RBFA: variants seen among roughly 807,000 people sequenced by gnomAD.
RBFA encodes putative ribosome-binding factor A, mitochondrial.
A neutral mutation model predicts 27.9 loss-of-function variants in RBFA; 16 were observed. The observed-to-expected ratio is 0.57, with a 90% CI of 0.39 to 0.87. The LOEUF (loss-of-function observed/expected upper bound fraction) is 0.87, where lower values mean the gene tolerates loss of function less well. Ranked by LOEUF, RBFA falls within the 40% of genes least tolerant of loss-of-function variation. The probability of loss-of-function intolerance (pLI) is 0.00; values close to 1 mark genes in which losing one functional copy is unlikely to be tolerated. For missense variants in RBFA, 456 were observed against 432.1 expected (o/e 1.06, Z -0.49); for synonymous variants, 181 against 181.0 (o/e 1.00, Z 0.00).
chr18:80,042,351 A>C (rs538138830), intron 5 of RBFA, 132 bp downstream of exon 5: 87 of 462,346 alleles, frequency 1.9e-4, no homozygotes, highest in Non-Finnish European at 2.9e-4. Flanking sequence ...CAGCCTCCCA[A>C]AGTGCTGGGA....
chr18:80,042,710 G>T (rs1251416772), intron 5 of RBFA, among the ~76,000 whole-genome samples: 4 of 152,028 alleles, frequency 2.6e-5, no homozygotes, highest in Non-Finnish European at 4.4e-5. Context: ...GGCGGAGGTT[G>T]CAGTGAGCCG....
intron 2 of RBFA, chr18:80,037,099 T>G: frequency 2.0e-6 from 1 of 497,568 alleles, no homozygotes; most frequent in Non-Finnish European, 3.6e-6. Context: ...ACAAAAACTT[T>G]TTTTGAGAAA....
rs192528502 is a variant in RBFA, at chr18:80,047,938, C to T, written c.*1783C>T. Among the ~76,000 whole-genome samples, 424 of 152,324 alleles carry T rather than the reference C, an allele frequency of 2.8e-3. 2 individuals are homozygous for T. Among genetic ancestry groups the T allele is most frequent in the Admixed American group, 6.5e-3 (100 of 15,306 alleles). Reference sequence around the variant, plus strand: ...TACAACAACCAGTTTGCCTCTTATTCTTCTAGGGGACCATCATGGGCTGAG... The same window carrying T: ...TACAACAACCAGTTTGCCTCTTATTTTTCTAGGGGACCATCATGGGCTGAG... On this transcript the variant is annotated 3_prime_UTR_variant, in exon 7 of 7. Coordinates refer to ENST00000306735, the MANE Select transcript of RBFA (RefSeq NM_024805.3).
chr18:80,037,137 G>A, intron 2 of RBFA, 193 bp from the exon 3 acceptor site: 3 of 500,432 alleles, frequency 6.0e-6, no homozygotes, highest in Non-Finnish European at 1.1e-5. Flanking sequence ...TTTTAATCTT[G>A]GAGGGTTACC....
At chr18:80,038,774 AT>A (rs1385063089) in intron 4 of RBFA, among the ~76,000 whole-genome samples, 157 bp downstream of exon 4, 1 of 152,200 alleles carries the variant, frequency 6.6e-6, no homozygotes, top group Non-Finnish European at 1.5e-5. Context: ...TATAATTTGC[AT>A]TTTTGTATAA....
At chr18:80,040,742 C>T (rs969000617) in intron 4 of RBFA, among the ~76,000 whole-genome samples, 62 of 151,956 alleles carry the variant, frequency 4.1e-4, no homozygotes, top group African/African-American at 1.4e-3. Flanking sequence ...GGTTTTTAAG[C>T]GACTTTAAAA....
intron 6 of RBFA, 32 bp downstream of exon 6, chr18:80,044,317 T>G (rs1287566354): frequency 6.4e-7 from 1 of 1,562,482 alleles, no homozygotes; most frequent in Middle Eastern, 1.7e-4. Context: ...TTTGATTCCC[T>G]GGGGTACATT....
In RBFA at chr18:80,046,613, C is replaced by T. The variant is rs148151854; in HGVS notation, c.*458C>T. ...GGGCTGCTGGGCTGGCACGTGGCGC[C>T]GGGGGCTCCATCCCTGGGGCTGCTG... On this transcript the variant is annotated 3_prime_UTR_variant, in exon 7 of 7. Coordinates refer to ENST00000306735, the MANE Select transcript of RBFA (RefSeq NM_024805.3). Among the ~76,000 whole-genome samples, 139 of 151,964 alleles carry T rather than the reference C, an allele frequency of 9.1e-4. 5 individuals are homozygous for T. The East Asian group carries it at 0.019, about 21-fold the overall frequency.
Position 80,037,391 on chromosome 18 carries a change from A to C in RBFA, c.263A>C (p.Glu88Ala). ...AGCACCTCAAAGAAAACCAGGAAGG[A>C]AGACCATGCGCGCCTGAGGGCCCTG... ...MRSTSKKTRK[E>A]DHARLRALNG... is the part of the protein sequence containing the mutation. The change falls in exon 3 of 7, where the codon GAA becomes GCA. Residue 88 changes from glutamate to alanine, a missense_variant. Transcript: ENST00000306735. The C allele has an allele frequency of 6.2e-7, 1 of 1,614,126 alleles. No individual in the cohort carries two copies. The highest frequency in any genetic ancestry group is 8.5e-7 in the Non-Finnish European group (1 of 1,180,022).
At position 80,047,548 on chromosome 18, in the gene RBFA, T is replaced by C. The variant is rs1454758994; in HGVS notation, c.*1393T>C. The C allele has an allele frequency of 6.6e-6, 1 of 152,256 alleles. No homozygotes were observed. The highest frequency in any genetic ancestry group is 1.5e-5 in the Non-Finnish European group (1 of 68,046). The allele number at this position is 152,256 out of a possible 1,614,324, so 9.4% of individuals were successfully genotyped here. A position where few individuals can be genotyped will look rare whatever the true frequency, so the allele number is the denominator to read the frequency against. On this transcript the variant is annotated 3_prime_UTR_variant, in exon 7 of 7. Coordinates refer to ENST00000306735, the MANE Select transcript of RBFA (RefSeq NM_024805.3). ...CAGAAGCAAGATTTTTCTTTTGAGA[T>C]CTAGGAAATTATTTGTTTATACTCT...
chr18:80,043,193 TTCAAAAA>T (rs2052028250), intron 5 of RBFA, among the ~76,000 whole-genome samples: 1 of 152,224 alleles, frequency 6.6e-6, no homozygotes. Context: ...ATGTTATACC[TTCAAAAA>T]GTCAGTCAAA....
intron 4 of RBFA, chr18:80,041,650 T>C (rs1159054382): frequency 6.6e-6 from 1 of 152,240 alleles, no homozygotes. Flanking sequence ...GATGTGGTAG[T>C]TGACTAAAGA....
At chr18:80,038,786 G>A (rs2051998619) in intron 4 of RBFA, among the ~76,000 whole-genome samples, 169 bp downstream of exon 4, 1 of 152,166 alleles carries the variant, frequency 6.6e-6, no homozygotes, top group Admixed American at 6.5e-5. Flanking sequence ...TTTTGTATAA[G>A]CTATAATGTA....
intron 4 of RBFA, among the ~76,000 whole-genome samples, chr18:80,040,030 C>T (rs893855985): frequency 1.3e-5 from 2 of 152,112 alleles, no homozygotes; most frequent in African/African-American, 4.8e-5. Context: ...ATGCCTCAGC[C>T]TCCTGAGTAG....
In RBFA at chr18:80,034,475, T is replaced by G; in HGVS notation, c.-21T>G. 1 of 1,507,794 alleles carries G rather than the reference T, an allele frequency of 6.6e-7. No individual in the cohort carries two copies. The allele number at this position is 1,507,794 out of a possible 1,614,324, so 93.4% of individuals were successfully genotyped here. ...CTGCGCCCGTTGTCTCCCTGCTCGC[T>G]CCGGGTCCCGGCGCCGCGCCATGTG... On this transcript the variant is annotated 5_prime_UTR_variant, in exon 1 of 7. Coordinates refer to ENST00000306735, the MANE Select transcript of RBFA (RefSeq NM_024805.3).
intron 5 of RBFA, among the ~76,000 whole-genome samples, chr18:80,042,648 G>T (rs185849862): frequency 1.3e-5 from 2 of 152,058 alleles, no homozygotes; most frequent in East Asian, 3.9e-4. Context: ...GCGTGCGCCC[G>T]TAGTCTCAGC....
intron 6 of RBFA, among the ~76,000 whole-genome samples, chr18:80,045,166 C>T (rs1171880407): frequency 3.3e-5 from 5 of 151,284 alleles, no homozygotes; most frequent in East Asian, 1.9e-4. Context: ...GCCTCACCTG[C>T]GATTCTGCCA....
intron 5 of RBFA, among the ~76,000 whole-genome samples, chr18:80,042,521 A>G (rs1204176975): frequency 6.6e-6 from 1 of 152,198 alleles, no homozygotes; most frequent in Non-Finnish European, 1.5e-5. Context: ...CTGTAATCCC[A>G]GCACTTTGGG....
Position 80,046,995 on chromosome 18 carries a change from G to C in RBFA, c.*840G>C, listed in dbSNP as rs1269021822. ...AGAGAAAACACAGATTCCATACCTT[G>C]TCAGCTCCTATTTAGTTCGGCTTCC... is the stretch of plus-strand genomic sequence containing the variant. On this transcript the variant is annotated 3_prime_UTR_variant, in exon 7 of 7. Transcript: ENST00000306735. The C allele has an allele frequency of 6.6e-6, 1 of 152,298 alleles. No homozygotes were observed. The highest frequency in any genetic ancestry group is 2.4e-5 in the African/African-American group (1 of 41,442). The allele number at this position is 152,298 out of a possible 1,614,324, so 9.4% of individuals were successfully genotyped here. A position where few individuals can be genotyped will look rare whatever the true frequency, so the allele number is the denominator to read the frequency against.
Sources: allele counts gnomAD v4.1 joint callset (sites outside exome capture counted in the v4.1 genomes callset), GRCh38; gene constraint gnomAD v4.1.1; transcripts MANE v1.5; gene names NCBI Gene and HGNC (gene_info 2026-07-23, HGNC 2026-07-21).